The following NRG3 variants were observed in gnomAD, a reference collection of about 807,000 sequenced individuals.
NRG3 encodes neuregulin 3.
A neutral mutation model predicts 66.9 loss-of-function variants in NRG3; 31 were observed. The observed-to-expected ratio is 0.46, with a 90% confidence interval of 0.35 to 0.63. The LOEUF is 0.63. Among genes scored for constraint, NRG3 ranks in the 20% least tolerant of loss-of-function variants. The pLI, the probability that NRG3 is intolerant of heterozygous loss-of-function variation, is 0.00. For synonymous variants in NRG3, 393 were observed against 359.4 expected (o/e 1.09, Z -1.06); for missense variants, 910 against 878.9 (o/e 1.04, Z -0.45).
chr10:82,286,031 G>A (rs1269029095), intron 1 of NRG3, among the ~76,000 whole-genome samples: 2 of 152,192 alleles, frequency 1.3e-5, no homozygotes, highest in East Asian at 3.9e-4. Flanking sequence ...ATGCAGAGTA[G>A]AGGGTGTCTG....
chr10:82,888,703 C>T (rs1192261408), intron 4 of NRG3, among the ~76,000 whole-genome samples: 1 of 151,938 alleles, frequency 6.6e-6, no homozygotes, highest in Non-Finnish European at 1.5e-5. Context: ...TAAATATAAA[C>T]AAGACAAAGA....
At chr10:82,450,768 T>A (rs892650950) in intron 2 of NRG3, among the ~76,000 whole-genome samples, 1 of 152,200 alleles carries the variant, frequency 6.6e-6, no homozygotes, top group Non-Finnish European at 1.5e-5. Context: ...CACTGACATT[T>A]TTATTTTGGT....
At chr10:81,913,312 C>A (rs369835686) in intron 1 of NRG3, among the ~76,000 whole-genome samples, 4 of 152,174 alleles carry the variant, frequency 2.6e-5, no homozygotes, top group African/African-American at 9.6e-5. Flanking sequence ...CATTGACCAG[C>A]GTCCTCATGC....
At chr10:82,939,486 G>GTTT (rs1335068666) in intron 4 of NRG3, among the ~76,000 whole-genome samples, 8 of 148,202 alleles carry the variant, frequency 5.4e-5, no homozygotes, top group African/African-American at 7.7e-5. Context: ...TGTTGTTGTT[G>GTTT]TTTGAGACGG....
chr10:82,698,351 G>A (rs542717609), intron 2 of NRG3, among the ~76,000 whole-genome samples: 53 of 152,142 alleles, frequency 3.5e-4, no homozygotes, highest in African/African-American at 1.2e-3. Context: ...AAAGAAGCAG[G>A]AAAATTACAC....
chr10:82,901,130 T>A (rs60732332), intron 4 of NRG3, among the ~76,000 whole-genome samples: 12,516 of 152,248 alleles, frequency 0.082, 1,085 homozygotes, highest in African/African-American at 0.22. Flanking sequence ...ATGAATAGAA[T>A]GTTTTTCATT....
At chr10:82,786,867 A>G (rs556455458) in intron 3 of NRG3, among the ~76,000 whole-genome samples, 1 of 152,216 alleles carries the variant, frequency 6.6e-6, no homozygotes, top group East Asian at 1.9e-4. Context: ...GTTTCTGATA[A>G]ACAGACACCC....
rs113798552 is a variant in NRG3, at chr10:81,904,579, C to T, written c.823+28416C>T. On this transcript the variant is annotated intron_variant, in intron 1 of 8. Coordinates refer to ENST00000372141, the MANE Select transcript of NRG3 (RefSeq NM_001010848.4). ...CTTCTACGCCTGTTCTTAATTCTACCATCTGGGGCCAAAATAAGGAGCCTG... is the reference window on the plus strand; with the variant it reads ...CTTCTACGCCTGTTCTTAATTCTACTATCTGGGGCCAAAATAAGGAGCCTG... Among the ~76,000 whole-genome samples the T allele has an allele frequency of 8.4e-3, 1,274 of 152,198 alleles. 6 individuals carry two copies. Among genetic ancestry groups the T allele is most frequent in the Middle Eastern group, 0.017 (5 of 294 alleles).
intron 2 of NRG3, among the ~76,000 whole-genome samples, chr10:82,512,857 A>T (rs1845318835): frequency 6.6e-6 from 1 of 152,098 alleles, no homozygotes; most frequent in Non-Finnish European, 1.5e-5. Flanking sequence ...GTTCAATATC[A>T]TTTTTTTAAA....
At chr10:82,543,965 A>G (rs542960856) in intron 2 of NRG3, among the ~76,000 whole-genome samples, 7 of 152,328 alleles carry the variant, frequency 4.6e-5, no homozygotes, top group Admixed American at 3.3e-4. Flanking sequence ...GGGAGTCCAT[A>G]AATTTCAGTG....
chr10:82,200,867 C>T (rs541637920), intron 1 of NRG3, among the ~76,000 whole-genome samples: 1 of 152,068 alleles, frequency 6.6e-6, no homozygotes, highest in Non-Finnish European at 1.5e-5. Flanking sequence ...ACCAACTTCA[C>T]ACTCAGCTAC....
intron 4 of NRG3, among the ~76,000 whole-genome samples, chr10:82,936,153 A>T (rs1848046713): frequency 6.6e-6 from 1 of 152,164 alleles, no homozygotes; most frequent in Non-Finnish European, 1.5e-5. Context: ...TAACCTTTAA[A>T]GTTTATTGTA....
At chr10:82,091,391 A>G (rs2066019266) in intron 1 of NRG3, among the ~76,000 whole-genome samples, 1 of 152,134 alleles carries the variant, frequency 6.6e-6, no homozygotes, top group South Asian at 2.1e-4. Context: ...TGCCTGTTTT[A>G]GGTAGCTCAT....
chr10:82,500,662 G>A (rs1454767716), intron 2 of NRG3, among the ~76,000 whole-genome samples: 2 of 152,176 alleles, frequency 1.3e-5, no homozygotes, highest in African/African-American at 4.8e-5. Flanking sequence ...GAACAAGCTT[G>A]TGTCTGTTCT....
chr10:82,622,681 C>G (rs1471385703), intron 2 of NRG3, among the ~76,000 whole-genome samples: 1 of 152,174 alleles, frequency 6.6e-6, no homozygotes, highest in Non-Finnish European at 1.5e-5. Context: ...CCACAGCTCC[C>G]AGCCAGCCAG....
At chr10:82,894,007 T>G (rs1843418353) in intron 4 of NRG3, among the ~76,000 whole-genome samples, 1 of 152,222 alleles carries the variant, frequency 6.6e-6, no homozygotes, top group Admixed American at 6.5e-5. Flanking sequence ...TCAAGCTCAG[T>G]TGATTTTGGA....
chr10:82,491,233 G>A (rs995991475), intron 2 of NRG3, among the ~76,000 whole-genome samples: 2 of 129,696 alleles, frequency 1.5e-5, no homozygotes, highest in South Asian at 2.7e-4. Flanking sequence ...ACTATCTAAC[G>A]AAGTAAACTG....
chr10:82,717,374 T>C lies in NRG3; in HGVS notation c.954-21203T>C, dbSNP rs1370764220. On this transcript the variant is annotated intron_variant, in intron 2 of 8. Transcript: ENST00000372141. ...ATTGGTTTGCAGAAAATATATAAAA[T>C]GAAGCATTGGAAAAGCTTTTTTTTT... is the stretch of plus-strand genomic sequence containing the variant. 2.7e-5 allele frequency among the ~76,000 whole-genome samples: 4 copies of C among 148,978 alleles called. No homozygotes were observed. In the East Asian group the frequency reaches 8.0e-4, roughly 30 times the overall value.
chr10:82,143,626 T>C (rs41415547), intron 1 of NRG3, among the ~76,000 whole-genome samples: 3,396 of 152,312 alleles, frequency 0.022, 138 homozygotes, highest in East Asian at 0.15. Flanking sequence ...AAGCAAGATA[T>C]AGAATCTGGA....
Sources: gnomAD v4.1 joint callset for allele counts (sites outside exome capture counted in the v4.1 genomes callset) on GRCh38, gnomAD v4.1.1 for gene constraint, MANE v1.5 for transcripts, NCBI Gene and HGNC (gene_info 2026-07-23, HGNC 2026-07-21) for gene names.